The following UQCRC1 variants were observed in gnomAD, a reference collection of about 807,000 sequenced individuals.
UQCRC1 encodes the protein cytochrome b-c1 complex subunit 1, mitochondrial.
Under a neutral mutation model 58.0 loss-of-function variants are expected in UQCRC1, and 34 were observed. The observed-to-expected ratio is 0.59, with a 90% CI of 0.45 to 0.78. UQCRC1 has a LOEUF of 0.78. UQCRC1 is among the 30% of genes least tolerant of loss of function. The pLI, the probability that UQCRC1 is intolerant of heterozygous loss-of-function variation, is 0.00. For missense variants in UQCRC1, 610 were observed against 646.0 expected (o/e 0.94, Z 0.60); for synonymous variants, 276 against 248.8 (o/e 1.11, Z -1.03).
At chr3:48,605,597 A>T (rs2046404243) in intron 3 of UQCRC1, among the ~76,000 whole-genome samples, 173 bp downstream of exon 3, 1 of 152,078 alleles carries the variant, frequency 6.6e-6, no homozygotes, top group Admixed American at 6.6e-5. Context: ...GGGGCTCATC[A>T]GATACGTGCC....
chr3:48,602,486 A>G (rs903366299), intron 6 of UQCRC1, among the ~76,000 whole-genome samples: 3 of 146,810 alleles, frequency 2.0e-5, no homozygotes, highest in African/African-American at 7.6e-5. Context: ...TTTTCTGCAC[A>G]CTCAGCCGCC....
intron 5 of UQCRC1, 50 bp downstream of exon 5, chr3:48,604,183 C>G: frequency 6.3e-7 from 1 of 1,599,336 alleles, no homozygotes; most frequent in Non-Finnish European, 8.5e-7. Flanking sequence ...AAGGGTCTGG[C>G]CAGGCCAGAA....
At chr3:48,608,663 A>G (rs1380447252) in intron 2 of UQCRC1, among the ~76,000 whole-genome samples, 2 of 152,210 alleles carry the variant, frequency 1.3e-5, no homozygotes, top group African/African-American at 2.4e-5. Flanking sequence ...TCATATATCT[A>G]TCTGTGACTC....
At chr3:48,603,669 A>T in intron 5 of UQCRC1, 26 bp from the exon 6 acceptor site, 1 of 1,607,602 alleles carries the variant, frequency 6.2e-7, no homozygotes, top group South Asian at 1.1e-5. Context: ...TCAGTGTGTC[A>T]ACACCTCTAC....
intron 2 of UQCRC1, among the ~76,000 whole-genome samples, chr3:48,606,928 C>T (rs189805082): frequency 2.7e-5 from 4 of 150,414 alleles, no homozygotes; most frequent in Non-Finnish European, 5.9e-5. Flanking sequence ...GGTGTGATGT[C>T]GGCTCACTCA....
chr3:48,609,089 G>A (rs1390755780), intron 2 of UQCRC1, 73 bp downstream of exon 2: 5 of 1,542,474 alleles, frequency 3.2e-6, no homozygotes, highest in Non-Finnish European at 4.4e-6. Context: ...CGAGCCCAAG[G>A]TCACACCCCA....
Position 48,605,865 on chromosome 3 carries a change from G to T in UQCRC1, c.211-9C>A. The T allele has an allele frequency of 1.9e-6, 3 of 1,613,096 alleles. No individual in the cohort carries two copies. Among genetic ancestry groups the T allele is most frequent in the Non-Finnish European group, 2.5e-6 (3 of 1,179,612 alleles). ...TCAATCCACACTCCCACCTGGTCAAGAAGCCACCAGAAAAGGTTACAAACA... is the reference window on the plus strand; with the variant it reads ...TCAATCCACACTCCCACCTGGTCAATAAGCCACCAGAAAAGGTTACAAACA... On this transcript the variant is annotated splice_polypyrimidine_tract_variant and intron_variant, in intron 2 of 12. Coordinates refer to ENST00000203407, the MANE Select transcript of UQCRC1 (RefSeq NM_003365.3).
rs752149225 is a variant in UQCRC1, at chr3:48,600,577, G to T, written c.1128-10C>A. 2 of 1,613,962 alleles carry T rather than the reference G, an allele frequency of 1.2e-6. No homozygotes were observed. Among genetic ancestry groups the T allele is most frequent in the South Asian group, 1.1e-5 (1 of 91,070 alleles). On this transcript the variant is annotated splice_polypyrimidine_tract_variant and intron_variant, in intron 9 of 12. Coordinates refer to ENST00000203407, the MANE Select transcript of UQCRC1 (RefSeq NM_003365.3). Reference sequence around the variant, plus strand: ...GGTACACAGGCGCATCCTAAAGTGGGGGGGTGGGTGGTATTCATTCTGAGC... The same window carrying T: ...GGTACACAGGCGCATCCTAAAGTGGTGGGGTGGGTGGTATTCATTCTGAGC...
chr3:48,599,598 G>A (rs2046343053), intron 12 of UQCRC1, 37 bp downstream of exon 12: 3 of 1,609,840 alleles, frequency 1.9e-6, no homozygotes, highest in East Asian at 2.2e-5. Context: ...AACGGCCTGA[G>A]GAAATAAACA....
At chr3:48,609,113 C>G (rs757225315) in intron 2 of UQCRC1, 49 bp downstream of exon 2, 1 of 1,566,948 alleles carries the variant, frequency 6.4e-7, no homozygotes, top group Non-Finnish European at 8.7e-7. Context: ...AGGGAAAAGA[C>G]GGCAGGCCCA....
chr3:48,607,172 G>A (rs1010130762), intron 2 of UQCRC1, among the ~76,000 whole-genome samples: 5 of 152,146 alleles, frequency 3.3e-5, no homozygotes, highest in African/African-American at 1.2e-4. Flanking sequence ...CTCCCGAGTA[G>A]CTGGAACTAC....
At chr3:48,599,960 GA>G in intron 11 of UQCRC1, 102 bp downstream of exon 11, 6 of 1,409,672 alleles carry the variant, frequency 4.3e-6, no homozygotes, top group Non-Finnish European at 4.9e-6. Flanking sequence ...GGACACCAGG[GA>G]TGCCTATAGG....
chr3:48,607,637 C>T (rs1434206315), intron 2 of UQCRC1, among the ~76,000 whole-genome samples: 1 of 151,522 alleles, frequency 6.6e-6, no homozygotes, highest in Admixed American at 6.6e-5. Context: ...TGGCTCACTG[C>T]AACCTCTTAT....
At chr3:48,603,768 C>G in intron 5 of UQCRC1, 125 bp from the exon 6 acceptor site, 1 of 884,348 alleles carries the variant, frequency 1.1e-6, no homozygotes, top group Non-Finnish European at 1.8e-6. Context: ...TGGGCCCTAG[C>G]ACACTCCCCA....
Position 48,604,788 on chromosome 3 carries a change from C to G in UQCRC1, c.298-8G>C, listed in dbSNP as rs993155430. 3 of 1,613,750 alleles carry G rather than the reference C, an allele frequency of 1.9e-6. No individual in the cohort carries two copies. The African/African-American group carries it at 4.0e-5, about 22-fold the overall frequency. On this transcript the variant is annotated splice_region_variant and splice_polypyrimidine_tract_variant and intron_variant, in intron 3 of 12. Transcript: ENST00000203407. ...AGGCCGATTCTTTGTTCCCTGGAAC[C>G]AGATATCAACCAGAACAATCAGGAG...
chr3:48,607,559 CTTTTTTTTT>C (rs112257968), intron 2 of UQCRC1, among the ~76,000 whole-genome samples: 1 of 139,530 alleles, frequency 7.2e-6, no homozygotes, highest in African/African-American at 2.6e-5. Context: ...CCATTTTTTT[CTTTTTTTTT>C]TTTTTTAAGA....
intron 2 of UQCRC1, among the ~76,000 whole-genome samples, chr3:48,608,817 T>C (rs2046436251): frequency 6.6e-6 from 1 of 152,232 alleles, no homozygotes; most frequent in African/African-American, 2.4e-5. Context: ...CTGACAGACC[T>C]GGACCCCTGC....
intron 12 of UQCRC1, chr3:48,599,409 CG>C: frequency 2.9e-6 from 2 of 690,442 alleles, no homozygotes; most frequent in South Asian, 3.8e-5. Flanking sequence ...CGTTACCTGA[CG>C]GGTGCAGGGT....
Position 48,599,082 on chromosome 3 carries a change from G to T in UQCRC1, c.*46C>A, listed in dbSNP as rs755358066. Reference sequence around the variant, plus strand: ...AGTGCTGTGTTTGTGGTGGGGGGGGGACCACAAACCCCGGCCCTGCCCTCT... The same window carrying T: ...AGTGCTGTGTTTGTGGTGGGGGGGGTACCACAAACCCCGGCCCTGCCCTCT... On this transcript the variant is annotated 3_prime_UTR_variant, in exon 13 of 13. Transcript: ENST00000203407. 5.6e-6 allele frequency: 9 copies of T among 1,602,824 alleles called. No homozygotes were observed. Among genetic ancestry groups the T allele is most frequent in the South Asian group, 2.2e-5 (2 of 90,342 alleles).
Sources: gnomAD v4.1 joint callset for allele counts (sites outside exome capture counted in the v4.1 genomes callset) on GRCh38, gnomAD v4.1.1 for gene constraint, MANE v1.5 for transcripts, NCBI Gene and HGNC (gene_info 2026-07-23, HGNC 2026-07-21) for gene names.